ETV6: variants seen among roughly 807,000 people sequenced by gnomAD.
ETV6 encodes the protein ETS variant transcription factor 6.
In ETV6, 16 loss-of-function variants were observed where a neutral mutation model predicts 51.1. That is an observed-to-expected ratio of 0.31 (90% confidence interval 0.21 to 0.48). The LOEUF (loss-of-function observed/expected upper bound fraction) is 0.48, where lower values mean the gene tolerates loss of function less well. Among genes scored for constraint, ETV6 ranks in the 20% least tolerant of loss-of-function variants. ETV6 has a pLI of 0.99. For missense variants in ETV6, 458 were observed against 594.8 expected (o/e 0.77, Z 2.39); for synonymous variants, 240 against 224.1 (o/e 1.07, Z -0.64).
At chr12:11,888,669 C>T (rs972846208) in intron 7 of ETV6, among the ~76,000 whole-genome samples, 2 of 152,054 alleles carry the variant, frequency 1.3e-5, no homozygotes, top group South Asian at 4.2e-4. Flanking sequence ...TCCCAAAGTG[C>T]TTGAATTACA....
intron 2 of ETV6, 135 bp downstream of exon 2, chr12:11,752,714 T>G: frequency 8.5e-7 from 1 of 1,178,136 alleles, no homozygotes; most frequent in Non-Finnish European, 1.2e-6. Flanking sequence ...TTTGGAATCT[T>G]TCACACCCCC....
intron 2 of ETV6, among the ~76,000 whole-genome samples, chr12:11,785,972 T>C (rs1669919276): frequency 6.6e-6 from 1 of 152,184 alleles, no homozygotes; most frequent in Non-Finnish European, 1.5e-5. Context: ...TTTTGGCACT[T>C]GTTTTAGCAG....
At chr12:11,670,896 T>C (rs1458786857) in intron 1 of ETV6, among the ~76,000 whole-genome samples, 1 of 152,234 alleles carries the variant, frequency 6.6e-6, no homozygotes, top group African/African-American at 2.4e-5. Context: ...GTTCTAATCA[T>C]TTATAACGAA....
intron 2 of ETV6, among the ~76,000 whole-genome samples, chr12:11,782,511 G>T (rs997719208): frequency 1.3e-5 from 2 of 152,112 alleles, no homozygotes; most frequent in Non-Finnish European, 2.9e-5. Context: ...GTGTGCATTT[G>T]TGTTTTCTGC....
chr12:11,880,032 TAAAAAAAAAAA>T (rs59152213), intron 5 of ETV6, among the ~76,000 whole-genome samples: 5 of 117,870 alleles, frequency 4.2e-5, no homozygotes, highest in Non-Finnish European at 8.7e-5. Context: ...GTCAATTGTT[TAAAAAAAAAAA>T]AAAAAAAAGG....
At chr12:11,702,149 G>A (rs1238025842) in intron 1 of ETV6, among the ~76,000 whole-genome samples, 4 of 152,142 alleles carry the variant, frequency 2.6e-5, no homozygotes, top group Non-Finnish European at 5.9e-5. Flanking sequence ...GGGGCAAATG[G>A]GAAGGGAGCG....
intron 2 of ETV6, among the ~76,000 whole-genome samples, chr12:11,795,680 A>C (rs761998690): frequency 6.6e-6 from 1 of 152,244 alleles, no homozygotes; most frequent in Non-Finnish European, 1.5e-5. Flanking sequence ...CATATTCCAG[A>C]GAACAAGGTG....
intron 2 of ETV6, among the ~76,000 whole-genome samples, chr12:11,766,323 T>C (rs964708184): frequency 4.6e-5 from 7 of 152,150 alleles, no homozygotes; most frequent in Non-Finnish European, 1.0e-4. Flanking sequence ...TGAAGGCTTC[T>C]TGGAAGGGAA....
intron 2 of ETV6, among the ~76,000 whole-genome samples, chr12:11,807,967 T>C (rs987130815): frequency 6.6e-6 from 1 of 152,220 alleles, no homozygotes; most frequent in Non-Finnish European, 1.5e-5. Flanking sequence ...TTTTTGTCTT[T>C]AATTCCCTGC....
At chr12:11,725,277 C>CT (rs1341644387) in intron 1 of ETV6, among the ~76,000 whole-genome samples, 1 of 150,438 alleles carries the variant, frequency 6.6e-6, no homozygotes, top group Non-Finnish European at 1.5e-5. Flanking sequence ...TAAGAAAATT[C>CT]TTTTGTGCAG....
intron 1 of ETV6, among the ~76,000 whole-genome samples, chr12:11,728,841 A>G (rs1865540590): frequency 1.3e-5 from 2 of 152,132 alleles, no homozygotes; most frequent in South Asian, 2.1e-4. Context: ...ATTTTTTTCT[A>G]ATTGAGCCTT....
At chr12:11,707,381 C>T (rs761168568) in intron 1 of ETV6, among the ~76,000 whole-genome samples, 3 of 152,226 alleles carry the variant, frequency 2.0e-5, no homozygotes. Context: ...GTGGGAATCG[C>T]AGCGCTTCTC....
chr12:11,859,595 G>T (rs1331956592), intron 4 of ETV6, among the ~76,000 whole-genome samples: 1 of 152,078 alleles, frequency 6.6e-6, no homozygotes, highest in Admixed American at 6.5e-5. Context: ...TATAGATGAA[G>T]AAATAAAGAT....
chr12:11,742,487 A>G (rs138053472), intron 1 of ETV6, among the ~76,000 whole-genome samples: 98 of 152,298 alleles, frequency 6.4e-4, no homozygotes, highest in Non-Finnish European at 1.0e-3. Context: ...TTTTTAAAGG[A>G]AACACAGGTG....
intron 1 of ETV6, among the ~76,000 whole-genome samples, chr12:11,746,607 A>G (rs1191549314): frequency 6.6e-6 from 1 of 152,204 alleles, no homozygotes; most frequent in East Asian, 1.9e-4. Flanking sequence ...TTAAATATTG[A>G]GACCATCCTG....
chr12:11,810,335 C>T (rs1049130660), intron 2 of ETV6, among the ~76,000 whole-genome samples: 1 of 152,012 alleles, frequency 6.6e-6, no homozygotes, highest in Non-Finnish European at 1.5e-5. Context: ...AATGTAAACC[C>T]GTGAAGAAAA....
chr12:11,775,263 G>T lies in ETV6; in HGVS notation c.163+22684G>T, dbSNP rs1459219117. ...CTGGATGGCGGCAGCAGAACTGATGGCAGAAACCAGGGAAGCTGATGTTGT... is the reference window on the plus strand; with the variant it reads ...CTGGATGGCGGCAGCAGAACTGATGTCAGAAACCAGGGAAGCTGATGTTGT... On this transcript the variant is annotated intron_variant, in intron 2 of 7. Transcript: ENST00000396373. 3.9e-5 allele frequency among the ~76,000 whole-genome samples: 6 copies of T among 152,214 alleles called. No homozygotes were observed. The South Asian group carries it at 1.2e-3, about 32-fold the overall frequency.
At chr12:11,657,053 C>T (rs576107721) in intron 1 of ETV6, among the ~76,000 whole-genome samples, 4 of 152,218 alleles carry the variant, frequency 2.6e-5, no homozygotes, top group East Asian at 1.9e-4. Context: ...GAGAGCATTT[C>T]GGCCATCTGA....
intron 2 of ETV6, among the ~76,000 whole-genome samples, chr12:11,803,855 T>C (rs999717102): frequency 6.6e-6 from 1 of 152,236 alleles, no homozygotes; most frequent in African/African-American, 2.4e-5. Context: ...TTTCAATGCA[T>C]ACTTGCTCTA....
Sources: allele counts gnomAD v4.1 joint callset (sites outside exome capture counted in the v4.1 genomes callset), GRCh38; gene constraint gnomAD v4.1.1; transcripts MANE v1.5; gene names NCBI Gene and HGNC (gene_info 2026-07-23, HGNC 2026-07-21).